The following FSTL5 variants were observed in gnomAD, a reference collection of about 807,000 sequenced individuals.
The protein encoded by FSTL5 is follistatin like 5, also known as follistatin-related protein 5.
A neutral mutation model predicts 89.1 loss-of-function variants in FSTL5; 62 were observed. The observed-to-expected ratio is 0.70, with a 90% CI of 0.57 to 0.86. The LOEUF is 0.86. FSTL5 is among the 40% of genes least tolerant of loss of function. The pLI is 0.00. For missense variants in FSTL5, 1,057 were observed against 1,001.6 expected, an observed-to-expected ratio of 1.06 and a Z score of -0.75; for synonymous variants, 383 against 346.2, an observed-to-expected ratio of 1.11 and a Z score of -1.18.
At chr4:162,030,048 G>A (rs1465570301) in intron 3 of FSTL5, among the ~76,000 whole-genome samples, 5 of 151,774 alleles carry the variant, frequency 3.3e-5, no homozygotes, top group Non-Finnish European at 5.9e-5. Flanking sequence ...ACAGGCATGC[G>A]CTACCACGCC....
intron 4 of FSTL5, among the ~76,000 whole-genome samples, chr4:161,863,404 G>A (rs1256466379): frequency 1.3e-5 from 2 of 152,072 alleles, no homozygotes; most frequent in Non-Finnish European, 2.9e-5. Context: ...GCTTTTATTC[G>A]GGTCATGGGG....
At chr4:161,945,554 C>G (rs1199118034) in intron 3 of FSTL5, among the ~76,000 whole-genome samples, 1 of 152,126 alleles carries the variant, frequency 6.6e-6, no homozygotes, top group African/African-American at 2.4e-5. Flanking sequence ...GAGTTCGACA[C>G]CAGCCTGTTC....
chr4:162,027,890 T>C (rs1181756750), intron 3 of FSTL5, among the ~76,000 whole-genome samples: 11 of 152,078 alleles, frequency 7.2e-5, no homozygotes, highest in Admixed American at 7.2e-4. Context: ...TGAAAATTGA[T>C]TTTTAATAAA....
chr4:161,923,397 C>T (rs531774965), intron 3 of FSTL5, among the ~76,000 whole-genome samples: 1 of 151,772 alleles, frequency 6.6e-6, no homozygotes, highest in South Asian at 2.1e-4. Context: ...TATAAAAATA[C>T]TGATTTCAAA....
intron 5 of FSTL5, 76 bp downstream of exon 5, chr4:161,775,802 G>A: frequency 1.4e-6 from 1 of 720,894 alleles, no homozygotes; most frequent in Non-Finnish European, 2.1e-6. Flanking sequence ...TTTCATTATA[G>A]AGTAAATTTA....
chr4:161,440,613 G>A (rs144302431), intron 15 of FSTL5, among the ~76,000 whole-genome samples: 26 of 152,182 alleles, frequency 1.7e-4, no homozygotes, highest in African/African-American at 6.0e-4. Flanking sequence ...CACCTACTAT[G>A]ATTCTGACTT....
At chr4:161,548,982 G>GTTCTATTCACAT (rs1469135467) in intron 8 of FSTL5, among the ~76,000 whole-genome samples, 3 of 151,766 alleles carry the variant, frequency 2.0e-5, no homozygotes, top group African/African-American at 4.8e-5. Context: ...CACATTGAAA[G>GTTCTATTCACAT]CAAATAGTTC....
chr4:161,694,651 A>AT (rs547022951), intron 6 of FSTL5, among the ~76,000 whole-genome samples: 1 of 151,738 alleles, frequency 6.6e-6, no homozygotes, highest in Non-Finnish European at 1.5e-5. Context: ...GATTTTTGTT[A>AT]TTTTTTTCCC....
At chr4:161,838,952 CTT>C (rs1731131759) in intron 4 of FSTL5, among the ~76,000 whole-genome samples, 2 of 151,906 alleles carry the variant, frequency 1.3e-5, no homozygotes, top group South Asian at 4.1e-4. Context: ...AAATTAAACA[CTT>C]TTTAATATAA....
intron 2 of FSTL5, among the ~76,000 whole-genome samples, chr4:162,055,219 G>T (rs1578990948): frequency 6.6e-6 from 1 of 151,576 alleles, no homozygotes; most frequent in East Asian, 1.9e-4. Context: ...GTTTTGCCTG[G>T]TTGTGAGATT....
At chr4:162,031,945 GA>G (rs1239769807) in intron 3 of FSTL5, among the ~76,000 whole-genome samples, 1 of 151,764 alleles carries the variant, frequency 6.6e-6, no homozygotes, top group Non-Finnish European at 1.5e-5. Flanking sequence ...GTCAAAAAAA[GA>G]AAAAAGTTAG....
At chr4:161,769,101 T>C (rs1741118651) in intron 5 of FSTL5, among the ~76,000 whole-genome samples, 1 of 151,890 alleles carries the variant, frequency 6.6e-6, no homozygotes, top group African/African-American at 2.4e-5. Context: ...AAGAAATGGA[T>C]AACTTTCTAG....
chr4:161,743,895 A>T (rs575282079), intron 6 of FSTL5, among the ~76,000 whole-genome samples: 22 of 152,324 alleles, frequency 1.4e-4, no homozygotes, highest in Admixed American at 4.6e-4. Flanking sequence ...ATCGTGTTTT[A>T]GCTGAAACCT....
chr4:161,719,976 T>C (rs926610624), intron 6 of FSTL5, among the ~76,000 whole-genome samples: 8 of 152,126 alleles, frequency 5.3e-5, no homozygotes, highest in Non-Finnish European at 1.2e-4. Flanking sequence ...GGAAAAAACC[T>C]TATTGACATT....
chr4:161,835,247 C>T (rs1442191198), intron 4 of FSTL5, among the ~76,000 whole-genome samples: 4 of 151,926 alleles, frequency 2.6e-5, no homozygotes, highest in African/African-American at 9.7e-5. Context: ...ACTGGCTAGC[C>T]ATAAGTAGAA....
intron 3 of FSTL5, among the ~76,000 whole-genome samples, chr4:162,007,591 C>T (rs193039384): frequency 2.2e-4 from 33 of 151,420 alleles, no homozygotes; most frequent in African/African-American, 7.0e-4. Flanking sequence ...AACTTTGCAG[C>T]ACCTGGAACA....
intron 4 of FSTL5, among the ~76,000 whole-genome samples, chr4:161,845,537 A>C (rs1731340318): frequency 6.6e-6 from 1 of 152,218 alleles, no homozygotes; most frequent in Non-Finnish European, 1.5e-5. Flanking sequence ...CTGCCTTCAA[A>C]GGCAGCATAT....
chr4:161,852,845 G>A (rs1005020727), intron 4 of FSTL5, among the ~76,000 whole-genome samples: 5 of 152,090 alleles, frequency 3.3e-5, no homozygotes, highest in Non-Finnish European at 4.4e-5. Context: ...GTTGGGGTGC[G>A]TGGGAGGAGG....
At chr4:161,500,289 C>T (rs951963310) in intron 11 of FSTL5, among the ~76,000 whole-genome samples, 155 bp from the exon 12 acceptor site, 2 of 152,078 alleles carry the variant, frequency 1.3e-5, no homozygotes, top group Non-Finnish European at 1.5e-5. Flanking sequence ...ACTGTATACT[C>T]GCACCACTTT....
Sources: gnomAD v4.1 joint callset for allele counts (sites outside exome capture counted in the v4.1 genomes callset) on GRCh38, gnomAD v4.1.1 for gene constraint, MANE v1.5 for transcripts, NCBI Gene and HGNC (gene_info 2026-07-23, HGNC 2026-07-21) for gene names.